Variants in MSI2 observed in about 807,000 individuals in gnomAD.
MSI2 encodes the protein RNA-binding protein Musashi homolog 2.
In MSI2, 17 loss-of-function variants were observed where a neutral mutation model predicts 45.6. The ratio of observed to expected loss-of-function variants is 0.37; its 90% CI spans 0.26 to 0.56. MSI2 has a LOEUF of 0.56. Ranked by LOEUF, MSI2 falls within the 20% of genes least tolerant of loss-of-function variation. The pLI, the probability that MSI2 is intolerant of heterozygous loss-of-function variation, is 0.77. For synonymous variants in MSI2, 156 were observed against 158.2 expected (o/e 0.99, Z 0.11); for missense variants, 293 against 444.2 (o/e 0.66, Z 3.06).
At chr17:57,487,050 C>A (rs546431607) in intron 6 of MSI2, among the ~76,000 whole-genome samples, 1 of 152,316 alleles carries the variant, frequency 6.6e-6, no homozygotes, top group African/African-American at 2.4e-5. Flanking sequence ...GCTTCACTTG[C>A]AGGCTAGGTT....
At chr17:57,631,252 C>T (rs1286948618) in intron 10 of MSI2, 1 of 152,648 alleles carries the variant, frequency 6.6e-6, no homozygotes, top group African/African-American at 2.4e-5. Context: ...CTCCGAGACT[C>T]TTCATCCTGG....
At chr17:57,283,575 A>T (rs1160146702) in intron 5 of MSI2, among the ~76,000 whole-genome samples, 1 of 152,238 alleles carries the variant, frequency 6.6e-6, no homozygotes, top group Admixed American at 6.5e-5. Context: ...AGGATGAGGA[A>T]AGAAACAGCC....
chr17:57,496,349 C>A (rs765782028), intron 6 of MSI2, among the ~76,000 whole-genome samples: 1 of 152,210 alleles, frequency 6.6e-6, no homozygotes, highest in Non-Finnish European at 1.5e-5. Context: ...TAATGACTCC[C>A]CTGTCCTACC....
intron 5 of MSI2, among the ~76,000 whole-genome samples, chr17:57,366,112 G>A (rs576025319): frequency 2.2e-4 from 33 of 152,230 alleles, no homozygotes; most frequent in Admixed American, 7.2e-4. Flanking sequence ...GGGTCTTGCC[G>A]TGTTGCCCAG....
chr17:57,411,646 C>T (rs1274631735), intron 6 of MSI2, among the ~76,000 whole-genome samples: 2 of 152,128 alleles, frequency 1.3e-5, no homozygotes, highest in Non-Finnish European at 2.9e-5. Flanking sequence ...TGTTGTTAAA[C>T]TTAAGCTGTT....
At chr17:57,273,439 A>G (rs1908546965) in intron 5 of MSI2, among the ~76,000 whole-genome samples, 1 of 146,986 alleles carries the variant, frequency 6.8e-6, no homozygotes, top group African/African-American at 2.5e-5. Context: ...ATGTCCATAC[A>G]CGTCCCATAT....
Position 57,682,589 on chromosome 17 carries a change from A to G in MSI2, c.*3072A>G, listed in dbSNP as rs1913680617. ...AAATCCGATATGTTTTAATGTGGCTACCTAGGTTTAAGGTTCACGTTAGTC... is the reference window on the plus strand; with the variant it reads ...AAATCCGATATGTTTTAATGTGGCTGCCTAGGTTTAAGGTTCACGTTAGTC... On this transcript the variant is annotated 3_prime_UTR_variant, in exon 14 of 14. Transcript: ENST00000284073. 4.7e-6 allele frequency: 1 copy of G among 211,176 alleles called. No homozygotes were observed. The allele number at this position is 211,176 out of a possible 1,614,324, so 13.1% of individuals were successfully genotyped here. A position where few individuals can be genotyped will look rare whatever the true frequency, so the allele number is the denominator to read the frequency against.
At chr17:57,541,289 A>C (rs1188216364) in intron 7 of MSI2, among the ~76,000 whole-genome samples, 1 of 151,888 alleles carries the variant, frequency 6.6e-6, no homozygotes, top group African/African-American at 2.4e-5. Flanking sequence ...AGAATTCCCA[A>C]CTCCAGCGAC....
chr17:57,309,931 G>A (rs377455575), intron 5 of MSI2, among the ~76,000 whole-genome samples: 5 of 152,192 alleles, frequency 3.3e-5, no homozygotes, highest in African/African-American at 7.2e-5. Flanking sequence ...GTCTCTGTCC[G>A]CTGGGCCTCA....
At chr17:57,381,143 C>G (rs1465368737) in intron 5 of MSI2, among the ~76,000 whole-genome samples, 1 of 152,208 alleles carries the variant, frequency 6.6e-6, no homozygotes, top group Non-Finnish European at 1.5e-5. Flanking sequence ...TCATGGCTCA[C>G]TGCAGCCTCA....
In MSI2 at chr17:57,631,506, G is replaced by C. The variant is rs547573959; in HGVS notation, c.727+4203G>C. On this transcript the variant is annotated intron_variant, in intron 10 of 13. Coordinates refer to ENST00000284073, the MANE Select transcript of MSI2 (RefSeq NM_138962.4). The stretch of plus-strand genomic sequence containing the variant: ...TGGCACCTGGCTGTGCCCATCTTCA[G>C]AATTCTGTCAGAATAAATGTTCCTA... 12 of 364,084 alleles carry C rather than the reference G, an allele frequency of 3.3e-5. No individual in the cohort carries two copies. The East Asian group carries it at 5.0e-4, about 15-fold the overall frequency. The allele number at this position is 364,084 out of a possible 1,614,324, so 22.6% of individuals were successfully genotyped here.
At chr17:57,575,151 T>C (rs2332938) in intron 7 of MSI2, among the ~76,000 whole-genome samples, 50,753 of 111,608 alleles carry the variant, frequency 0.45, 11,486 homozygotes, top group African/African-American at 0.65. Flanking sequence ...TTTAACTCCC[T>C]CCCCCCGCCA....
intron 4 of MSI2, among the ~76,000 whole-genome samples, chr17:57,258,716 T>A (rs1008349958): frequency 1.3e-5 from 2 of 152,124 alleles, no homozygotes; most frequent in Non-Finnish European, 2.9e-5. Context: ...GCTGTGGGGA[T>A]CAGCTTTGAG....
intron 10 of MSI2, among the ~76,000 whole-genome samples, chr17:57,647,274 C>CAAAAAAAAAAAAAAAAAA (rs33915774): frequency 2.7e-5 from 1 of 37,680 alleles, no homozygotes; most frequent in Admixed American, 4.0e-4. Context: ...ACTAAAAATA[C>CAAAAAAAAAAAAAAAAAA]AAAAAAAAAA....
intron 6 of MSI2, among the ~76,000 whole-genome samples, chr17:57,505,258 T>C (rs548569572): frequency 2.0e-5 from 3 of 151,976 alleles, no homozygotes; most frequent in Non-Finnish European, 2.9e-5. Context: ...CCTTCTTGCA[T>C]AGGGGAGAGA....
At chr17:57,563,741 GGC>G (rs1410055465) in intron 7 of MSI2, among the ~76,000 whole-genome samples, 79 of 100,994 alleles carry the variant, frequency 7.8e-4, no homozygotes, top group African/African-American at 2.8e-3. Flanking sequence ...CACACACACA[GGC>G]GCGCACACAC....
At chr17:57,514,981 A>G (rs1017878065) in intron 6 of MSI2, among the ~76,000 whole-genome samples, 1 of 152,088 alleles carries the variant, frequency 6.6e-6, no homozygotes, top group African/African-American at 2.4e-5. Flanking sequence ...ACCCCGACAC[A>G]CCCCATCCCA....
At chr17:57,264,786 G>A (rs757824814) in intron 5 of MSI2, 2 of 152,274 alleles carry the variant, frequency 1.3e-5, no homozygotes, top group Non-Finnish European at 2.9e-5. Context: ...ATGCTGTGGG[G>A]GTACCTCAGG....
At chr17:57,551,713 T>C (rs1463663605) in intron 7 of MSI2, among the ~76,000 whole-genome samples, 3 of 152,188 alleles carry the variant, frequency 2.0e-5, no homozygotes, top group Middle Eastern at 3.4e-3. Flanking sequence ...TAACAAGAAG[T>C]ATCCCAGTTG....
Sources: gnomAD v4.1 joint callset for allele counts (sites outside exome capture counted in the v4.1 genomes callset) on GRCh38, gnomAD v4.1.1 for gene constraint, MANE v1.5 for transcripts, NCBI Gene and HGNC (gene_info 2026-07-23, HGNC 2026-07-21) for gene names.